Variants in CUX2 observed in about 807,000 individuals in gnomAD.
CUX2 encodes the protein cut like homeobox 2.
In CUX2, 40 loss-of-function variants were observed where a neutral mutation model predicts 144.8. The ratio of observed to expected loss-of-function variants is 0.28; its 90% confidence interval spans 0.21 to 0.36. The LOEUF (loss-of-function observed/expected upper bound fraction) is 0.36, where lower values mean the gene tolerates loss of function less well. CUX2 is among the 10% of genes least tolerant of loss of function. The pLI, the probability that CUX2 is intolerant of heterozygous loss-of-function variation, is 1.00. For synonymous variants in CUX2, 827 were observed against 875.6 expected, an observed-to-expected ratio of 0.94 and a Z score of 0.98; for missense variants, 1,615 against 1,994.0, an observed-to-expected ratio of 0.81 and a Z score of 3.62.
At chr12:111,125,225 G>C (rs1444570681) in intron 1 of CUX2, among the ~76,000 whole-genome samples, 2 of 151,352 alleles carry the variant, frequency 1.3e-5, no homozygotes, top group African/African-American at 4.9e-5. Flanking sequence ...TGTCACCCAG[G>C]CTGGAGTACA....
chr12:111,151,325 AG>A (rs1415705756), intron 1 of CUX2, among the ~76,000 whole-genome samples: 5 of 152,240 alleles, frequency 3.3e-5, no homozygotes, highest in African/African-American at 1.2e-4. Context: ...AGTAACTGTA[AG>A]AAGATTTAAA....
At chr12:111,323,878 G>A (rs1033159611) in intron 18 of CUX2, among the ~76,000 whole-genome samples, 2 of 152,062 alleles carry the variant, frequency 1.3e-5, no homozygotes, top group South Asian at 2.1e-4. Context: ...GCAACATGGC[G>A]AAACCTCATC....
chr12:111,177,712 G>A (rs1384850832), intron 1 of CUX2, among the ~76,000 whole-genome samples: 4 of 152,138 alleles, frequency 2.6e-5, no homozygotes, highest in Admixed American at 6.5e-5. Flanking sequence ...TTCTGGTAGC[G>A]TTCATCTGAA....
chr12:111,342,945 T>G, intron 21 of CUX2, among the ~76,000 whole-genome samples: 1 of 107,812 alleles, frequency 9.3e-6, no homozygotes, highest in African/African-American at 3.9e-5. Flanking sequence ...GGCAACAGAG[T>G]GAGACTATCT....
At chr12:111,299,501 G>A (rs899928696) in intron 9 of CUX2, among the ~76,000 whole-genome samples, 9 of 152,118 alleles carry the variant, frequency 5.9e-5, no homozygotes, top group African/African-American at 2.2e-4. Context: ...GCAGGCCTGG[G>A]CTGGAAGTGC....
chr12:111,104,144 T>A (rs1873442004), intron 1 of CUX2, among the ~76,000 whole-genome samples: 1 of 152,222 alleles, frequency 6.6e-6, no homozygotes. Context: ...TTTCTCTCTC[T>A]TGGGGCACAA....
intron 19 of CUX2, among the ~76,000 whole-genome samples, chr12:111,337,728 C>G (rs1378756407): frequency 1.3e-5 from 2 of 152,128 alleles, no homozygotes; most frequent in Non-Finnish European, 2.9e-5. Context: ...GAGTAAAGAA[C>G]CTCTTAAATT....
At chr12:111,343,204 T>TC (rs1888652820) in intron 21 of CUX2, among the ~76,000 whole-genome samples, 1 of 151,944 alleles carries the variant, frequency 6.6e-6, no homozygotes, top group African/African-American at 2.4e-5. Context: ...CCCCCTGGTA[T>TC]CCTCTTCAGG....
intron 1 of CUX2, among the ~76,000 whole-genome samples, chr12:111,182,709 A>G (rs2136183128): frequency 6.6e-6 from 1 of 152,310 alleles, no homozygotes; most frequent in South Asian, 2.1e-4. Flanking sequence ...GGGTCAGACG[A>G]GCGGGTCCTG....
intron 3 of CUX2, among the ~76,000 whole-genome samples, chr12:111,261,771 C>T (rs1373275822): frequency 1.3e-5 from 2 of 152,170 alleles, no homozygotes; most frequent in East Asian, 1.9e-4. Flanking sequence ...GGTATGGTGG[C>T]GGGTGCCTGT....
chr12:111,206,162 C>T (rs1880909628), intron 1 of CUX2, among the ~76,000 whole-genome samples: 1 of 152,084 alleles, frequency 6.6e-6, no homozygotes, highest in Admixed American at 6.6e-5. Flanking sequence ...ATAGCAAGGC[C>T]CTGTCTTTAC....
chr12:111,318,763 T>C (rs1270095999), intron 16 of CUX2, among the ~76,000 whole-genome samples: 1 of 151,932 alleles, frequency 6.6e-6, no homozygotes, highest in Non-Finnish European at 1.5e-5. Flanking sequence ...CAGCCTCGAA[T>C]TCCCAGGCTC....
chr12:111,330,698 T>TAC (rs1888053090), intron 18 of CUX2, among the ~76,000 whole-genome samples: 17 of 10,868 alleles, frequency 1.6e-3, no homozygotes, highest in African/African-American at 5.2e-3. Context: ...TATATATATA[T>TAC]ATATATATAT....
chr12:111,262,980 C>T (rs1350026111), intron 3 of CUX2, among the ~76,000 whole-genome samples: 1 of 152,208 alleles, frequency 6.6e-6, no homozygotes, highest in Non-Finnish European at 1.5e-5. Context: ...CCATTTAATC[C>T]CAACAGGAGG....
At chr12:111,168,060 G>A (rs756337224) in intron 1 of CUX2, among the ~76,000 whole-genome samples, 48 of 152,104 alleles carry the variant, frequency 3.2e-4, no homozygotes, top group African/African-American at 1.1e-3. Flanking sequence ...CCTAGAGAGG[G>A]CAGTGATAAG....
chr12:111,236,706 CA>C (rs1197467584), intron 3 of CUX2, among the ~76,000 whole-genome samples: 1 of 152,150 alleles, frequency 6.6e-6, no homozygotes, highest in Admixed American at 6.5e-5. Context: ...CATCGAGAGG[CA>C]ATAGGAATTT....
intron 1 of CUX2, among the ~76,000 whole-genome samples, chr12:111,063,388 G>A (rs1362242729): frequency 1.3e-5 from 2 of 152,188 alleles, no homozygotes; most frequent in Non-Finnish European, 2.9e-5. Context: ...GCAGCCTGAG[G>A]GAATGAGTAT....
At chr12:111,163,395 G>A (rs1488587027) in intron 1 of CUX2, among the ~76,000 whole-genome samples, 1 of 152,194 alleles carries the variant, frequency 6.6e-6, no homozygotes, top group East Asian at 1.9e-4. Flanking sequence ...GTACCTCAAT[G>A]AATAGATGTG....
In CUX2 at chr12:111,228,549, G is replaced by A. The variant is rs192869915; in HGVS notation, c.222+10612G>A. Among the ~76,000 whole-genome samples, 688 of 152,130 alleles carry A rather than the reference G, an allele frequency of 4.5e-3. 4 individuals carry two copies. Among genetic ancestry groups the A allele is most frequent in the African/African-American group, 0.016 (666 of 41,488 alleles). On this transcript the variant is annotated intron_variant, in intron 3 of 21. Coordinates refer to ENST00000261726, the MANE Select transcript of CUX2 (RefSeq NM_015267.4). ...AGCGATTCTCCTGCCTCAGCCTCCTGAGTAGCTGGGATTACAGGCCCGTGC... is the reference window on the plus strand; with the variant it reads ...AGCGATTCTCCTGCCTCAGCCTCCTAAGTAGCTGGGATTACAGGCCCGTGC...
Sources: gnomAD v4.1 joint callset for allele counts (sites outside exome capture counted in the v4.1 genomes callset) on GRCh38, gnomAD v4.1.1 for gene constraint, MANE v1.5 for transcripts, NCBI Gene and HGNC (gene_info 2026-07-23, HGNC 2026-07-21) for gene names.